The following KCND3 variants were observed in gnomAD, a reference collection of about 807,000 sequenced individuals.
KCND3 encodes potassium voltage-gated channel subfamily D member 3, also known as A-type voltage-gated potassium channel KCND3.
A neutral mutation model predicts 51.1 loss-of-function variants in KCND3; 9 were observed. The observed-to-expected ratio is 0.18, with a 90% CI of 0.11 to 0.31. KCND3 has a LOEUF of 0.31. Ranked by LOEUF, KCND3 falls within the 10% of genes least tolerant of loss-of-function variation. The probability of loss-of-function intolerance (pLI) is 1.00; values close to 1 mark genes in which losing one functional copy is unlikely to be tolerated. For missense variants in KCND3, 526 were observed against 903.8 expected, an observed-to-expected ratio of 0.58 and a Z score of 5.36; for synonymous variants, 349 against 368.0, an observed-to-expected ratio of 0.95 and a Z score of 0.59.
intron 1 of KCND3, among the ~76,000 whole-genome samples, chr1:111,988,472 G>C (rs1021903866): frequency 2.0e-5 from 3 of 152,112 alleles, no homozygotes; most frequent in Non-Finnish European, 2.9e-5. Flanking sequence ...AAGTAGAGAC[G>C]AGGAAAAAAT....
At chr1:111,964,080 T>C (rs528626471) in intron 2 of KCND3, among the ~76,000 whole-genome samples, 35 of 152,322 alleles carry the variant, frequency 2.3e-4, no homozygotes, top group African/African-American at 7.5e-4. Flanking sequence ...TCTATTGTGA[T>C]TCGGCAGAAG....
intron 2 of KCND3, among the ~76,000 whole-genome samples, chr1:111,807,405 T>C (rs762830884): frequency 6.6e-6 from 1 of 152,100 alleles, no homozygotes; most frequent in Non-Finnish European, 1.5e-5. Flanking sequence ...TGGCCAGGAG[T>C]GGTGGCTCAC....
At chr1:111,912,096 T>A (rs1237399113) in intron 2 of KCND3, among the ~76,000 whole-genome samples, 1 of 152,256 alleles carries the variant, frequency 6.6e-6, no homozygotes, top group Admixed American at 6.5e-5. Context: ...TCCATAAGGC[T>A]GGAGAAAGAA....
chr1:111,916,485 G>T (rs926588226), intron 2 of KCND3, among the ~76,000 whole-genome samples: 7 of 152,072 alleles, frequency 4.6e-5, no homozygotes, highest in African/African-American at 1.7e-4. Flanking sequence ...TCAAATCAAT[G>T]ATCTAAGCTT....
chr1:111,867,633 A>G (rs1250385079), intron 2 of KCND3, among the ~76,000 whole-genome samples: 2 of 152,184 alleles, frequency 1.3e-5, no homozygotes, highest in African/African-American at 4.8e-5. Flanking sequence ...AGTTCTTGCT[A>G]AAGTGTTGAT....
At chr1:111,826,231 T>C (rs1196635883) in intron 2 of KCND3, among the ~76,000 whole-genome samples, 5 of 152,232 alleles carry the variant, frequency 3.3e-5, no homozygotes, top group African/African-American at 1.2e-4. Context: ...TATCCAATAT[T>C]TGCTGTAAAT....
rs1216719014 is a variant in KCND3, at chr1:111,836,507, G to C, written c.1107-49401C>G. ...GTCTGTACTCTGTTGGACTCTGTTA[G>C]TTGCTCTCTTAGTTGCTTCCCTGCA... On this transcript the variant is annotated intron_variant, in intron 2 of 7. Transcript: ENST00000302127. 2.0e-5 allele frequency among the ~76,000 whole-genome samples: 3 copies of C among 152,188 alleles called. No individual in the cohort carries two copies. The East Asian group carries it at 5.8e-4, about 29-fold the overall frequency.
chr1:111,778,576 T>G (rs1353674769), intron 5 of KCND3, 84 bp from the exon 6 acceptor site: 4 of 1,300,876 alleles, frequency 3.1e-6, no homozygotes, highest in Non-Finnish European at 4.5e-6. Flanking sequence ...ACATTCAATC[T>G]CTTGATCCCG....
At chr1:111,917,650 T>C (rs933880037) in intron 2 of KCND3, among the ~76,000 whole-genome samples, 1 of 152,120 alleles carries the variant, frequency 6.6e-6, no homozygotes, top group South Asian at 2.1e-4. Flanking sequence ...TCAAAGGCCA[T>C]TAGGACTCCA....
At position 111,780,653 on chromosome 1, in the gene KCND3, C is replaced by T; in HGVS notation, c.1371+37G>A. The T allele has an allele frequency of 1.3e-6, 2 of 1,541,798 alleles. No individual in the cohort carries two copies. Among genetic ancestry groups the T allele is most frequent in the East Asian group, 4.6e-5 (2 of 43,650 alleles). Reference sequence around the variant, plus strand: ...AAAGAGAAAACAAGCCCATCTACCCCTTTATGTTCCCTAGCCCAGGTCCTC... The same window carrying T: ...AAAGAGAAAACAAGCCCATCTACCCTTTTATGTTCCCTAGCCCAGGTCCTC... On this transcript the variant is annotated intron_variant, in intron 4 of 7. Coordinates refer to ENST00000302127, the MANE Select transcript of KCND3 (RefSeq NM_001378969.1). This position sits in a 1 kb window ranked among gnomAD's most constrained non-coding sequence, Gnocchi z 4.2.
intron 2 of KCND3, among the ~76,000 whole-genome samples, chr1:111,886,554 G>C (rs1458923477): frequency 1.3e-5 from 2 of 152,198 alleles, no homozygotes; most frequent in African/African-American, 4.8e-5. Flanking sequence ...TGCAGAACCA[G>C]GCCCTCTTCA....
At chr1:111,904,383 G>C (rs960448776) in intron 2 of KCND3, among the ~76,000 whole-genome samples, 4 of 152,146 alleles carry the variant, frequency 2.6e-5, no homozygotes, top group Non-Finnish European at 5.9e-5. Flanking sequence ...TGGGTGGCTG[G>C]AGGAACCCTT....
At chr1:111,791,171 G>A (rs1209456117) in intron 2 of KCND3, among the ~76,000 whole-genome samples, 1 of 152,202 alleles carries the variant, frequency 6.6e-6, no homozygotes, top group Non-Finnish European at 1.5e-5. Flanking sequence ...AATGAATGAG[G>A]GGTCCAATTT....
chr1:111,908,054 A>G lies in KCND3; in HGVS notation c.1106+73567T>C, dbSNP rs570068378. Among the ~76,000 whole-genome samples the G allele has an allele frequency of 1.2e-4, 18 of 152,352 alleles. No individual in the cohort carries two copies. The South Asian group carries it at 1.2e-3, about 11-fold the overall frequency. ...ACTGCAGAGGAGCCTGCAGCTCCCA[A>G]TGCCGACATAACAGCTTTACTTGCG... On this transcript the variant is annotated intron_variant, in intron 2 of 7. Transcript: ENST00000302127.
At chr1:111,880,522 A>T (rs555076179) in intron 2 of KCND3, among the ~76,000 whole-genome samples, 3 of 152,324 alleles carry the variant, frequency 2.0e-5, no homozygotes, top group Non-Finnish European at 4.4e-5. Context: ...CAGGACATGG[A>T]CTGGGAGAGA....
chr1:111,984,475 G>C (rs1175435777), intron 1 of KCND3, among the ~76,000 whole-genome samples: 1 of 152,116 alleles, frequency 6.6e-6, no homozygotes, highest in Admixed American at 6.5e-5. Flanking sequence ...CTGCCCTCAT[G>C]AAGGCCCAAA....
At chr1:111,900,829 C>T (rs578233757) in intron 2 of KCND3, among the ~76,000 whole-genome samples, 2 of 151,946 alleles carry the variant, frequency 1.3e-5, no homozygotes, top group Non-Finnish European at 2.9e-5. Context: ...TGGTGGCATG[C>T]GCCTGTAATC....
intron 2 of KCND3, among the ~76,000 whole-genome samples, chr1:111,845,330 G>T (rs1259715447): frequency 2.0e-5 from 3 of 151,992 alleles, no homozygotes; most frequent in Non-Finnish European, 4.4e-5. Flanking sequence ...CAATTTAAAG[G>T]CTCCCCACAG....
In KCND3 at chr1:111,885,818, G is replaced by A. The variant is rs80077912; in HGVS notation, c.1106+95803C>T. On this transcript the variant is annotated intron_variant, in intron 2 of 7. Coordinates refer to ENST00000302127, the MANE Select transcript of KCND3 (RefSeq NM_001378969.1). ...CTCCTGAGTAGCTGGGATTACAGGCGCCTGCCACCATGCCCAGCTAATTTT... is the reference window on the plus strand; with the variant it reads ...CTCCTGAGTAGCTGGGATTACAGGCACCTGCCACCATGCCCAGCTAATTTT... Among the ~76,000 whole-genome samples, 11 of 152,056 alleles carry A rather than the reference G, an allele frequency of 7.2e-5. No homozygotes were observed. The East Asian group carries it at 7.7e-4, about 11-fold the overall frequency.
Sources: allele counts gnomAD v4.1 joint callset (sites outside exome capture counted in the v4.1 genomes callset), GRCh38; gene constraint gnomAD v4.1.1; non-coding constraint Gnocchi (gnomAD v3.1); transcripts MANE v1.5; gene names NCBI Gene and HGNC (gene_info 2026-07-23, HGNC 2026-07-21).